The following SMYD3 variants were observed in gnomAD, a reference collection of about 807,000 sequenced individuals.
The protein encoded by SMYD3 is histone-lysine N-methyltransferase SMYD3.
A neutral mutation model predicts 57.7 loss-of-function variants in SMYD3; 36 were observed. The observed-to-expected ratio is 0.62, with a 90% CI of 0.48 to 0.82. The LOEUF is 0.82. SMYD3 is among the 40% of genes least tolerant of loss of function. The pLI, the probability that SMYD3 is intolerant of heterozygous loss-of-function variation, is 0.00. For missense variants in SMYD3, 515 were observed against 538.8 expected, an observed-to-expected ratio of 0.96 and a Z score of 0.44; for synonymous variants, 211 against 195.0, an observed-to-expected ratio of 1.08 and a Z score of -0.68.
chr1:246,359,864 G>T (rs189116388), intron 1 of SMYD3, among the ~76,000 whole-genome samples: 5 of 152,220 alleles, frequency 3.3e-5, no homozygotes, highest in African/African-American at 1.2e-4. Flanking sequence ...ACACTGAACA[G>T]GGAAAAGTTG....
chr1:246,146,718 G>T (rs1034779008), intron 5 of SMYD3, among the ~76,000 whole-genome samples: 2 of 152,028 alleles, frequency 1.3e-5, no homozygotes, highest in African/African-American at 4.8e-5. Context: ...CTAATAATGG[G>T]GCCTACACAC....
At chr1:246,339,974 C>T (rs1008836188) in intron 2 of SMYD3, among the ~76,000 whole-genome samples, 7 of 152,094 alleles carry the variant, frequency 4.6e-5, no homozygotes, top group Non-Finnish European at 8.8e-5. Flanking sequence ...TTATGAATGA[C>T]CCAGTCTGCG....
chr1:246,288,062 C>CTTTTTTTTTT lies in SMYD3; in HGVS notation c.531+39129_531+39138dup, dbSNP rs67603439. Among the ~76,000 whole-genome samples, 42 of 64,204 alleles carry CTTTTTTTTTT rather than the reference C, an allele frequency of 6.5e-4. 5 individuals are homozygous for CTTTTTTTTTT. Among genetic ancestry groups the CTTTTTTTTTT allele is most frequent in the African/African-American group, 8.0e-4 (12 of 15,008 alleles). 42.1% of individuals were successfully genotyped at this position (64,204 alleles called of 152,430 possible). A position where few individuals can be genotyped will look rare whatever the true frequency, so the allele number is the denominator to read the frequency against. Reference sequence around the variant, plus strand: ...GTTTTTGAAATGCCATCAGGTAATTCTTTTTTTTTTTTTTTTTTTTTTTTT... The same window carrying CTTTTTTTTTT: ...GTTTTTGAAATGCCATCAGGTAATTCTTTTTTTTTTTTTTTTTTTTTTTTTTTTTTTTTTT... On this transcript the variant is annotated intron_variant, in intron 5 of 11. Coordinates refer to ENST00000490107, the MANE Select transcript of SMYD3 (RefSeq NM_001167740.2).
At chr1:246,080,769 T>C (rs549591498) in intron 5 of SMYD3, among the ~76,000 whole-genome samples, 51 of 152,320 alleles carry the variant, frequency 3.3e-4, no homozygotes, top group Non-Finnish European at 4.9e-4. Flanking sequence ...TAGTGTATTA[T>C]CTATCTCCCC....
At position 246,203,799 on chromosome 1, in the gene SMYD3, T is replaced by C. The variant is rs1208760753; in HGVS notation, c.531+123402A>G. On this transcript the variant is annotated intron_variant, in intron 5 of 11. Coordinates refer to ENST00000490107, the MANE Select transcript of SMYD3 (RefSeq NM_001167740.2). The surrounding 1 kb of genome is among the most constrained non-coding windows in gnomAD (Gnocchi z 4.6). ...GGGTTTCTCACTTGCTCCTGGCTCT[T>C]CTACCTCAGTCAATAACATCCTCAA... 6.6e-6 allele frequency among the ~76,000 whole-genome samples: 1 copy of C among 152,196 alleles called. No homozygotes were observed. Among genetic ancestry groups the C allele is most frequent in the Non-Finnish European group, 1.5e-5 (1 of 68,018 alleles).
At chr1:245,821,384 G>A (rs879280737) in intron 10 of SMYD3, among the ~76,000 whole-genome samples, 32 of 35,750 alleles carry the variant, frequency 9.0e-4, no homozygotes, top group Admixed American at 2.5e-3. Context: ...ACACCTTATA[G>A]AAAAATCAAT....
intron 5 of SMYD3, among the ~76,000 whole-genome samples, chr1:246,234,582 GTATAGGGGAGAAGCA>G (rs1357571830): frequency 6.8e-5 from 7 of 102,806 alleles, no homozygotes; most frequent in East Asian, 1.3e-3. Flanking sequence ...AATATATACC[GTATAGGGGAGAAGCA>G]CTCCTTCAAT....
intron 5 of SMYD3, among the ~76,000 whole-genome samples, chr1:246,258,156 C>T (rs2063932075): frequency 6.6e-6 from 1 of 152,202 alleles, no homozygotes; most frequent in African/African-American, 2.4e-5. Context: ...CCTGCCTCAG[C>T]CTCCCGAGTA....
At chr1:246,499,410 AC>A (rs2068422528) in intron 1 of SMYD3, among the ~76,000 whole-genome samples, 3 of 151,070 alleles carry the variant, frequency 2.0e-5, no homozygotes, top group Non-Finnish European at 4.4e-5. Context: ...ATACACACAC[AC>A]ACACACACAC....
chr1:246,358,459 A>AT (rs2065938886), intron 1 of SMYD3, among the ~76,000 whole-genome samples: 1 of 152,208 alleles, frequency 6.6e-6, no homozygotes, highest in East Asian at 1.9e-4. Flanking sequence ...CCTAGAACAA[A>AT]TGGACTTAAC....
intron 5 of SMYD3, among the ~76,000 whole-genome samples, chr1:245,951,568 C>CAAA (rs746225362): frequency 0.015 from 1,369 of 93,570 alleles, 53 homozygotes; most frequent in East Asian, 0.066. Context: ...GGCTCTCTCT[C>CAAA]AAAAAAAAAA....
At chr1:246,407,477 A>G (rs1402775531) in intron 1 of SMYD3, among the ~76,000 whole-genome samples, 1 of 152,242 alleles carries the variant, frequency 6.6e-6, no homozygotes, top group Admixed American at 6.5e-5. Flanking sequence ...ACATTTATAT[A>G]AAACAATGTC....
chr1:246,289,111 G>A (rs890361063), intron 5 of SMYD3, among the ~76,000 whole-genome samples: 6 of 151,944 alleles, frequency 3.9e-5, no homozygotes, highest in South Asian at 4.2e-4. Flanking sequence ...GCAAAACTTC[G>A]TCTCAAAAGA....
Position 245,817,282 on chromosome 1 carries a change from G to A in SMYD3, c.1076+41214C>T, listed in dbSNP as rs185081976. 9.2e-3 allele frequency among the ~76,000 whole-genome samples: 1,321 copies of A among 143,498 alleles called. 37 individuals carry two copies. The highest frequency in any genetic ancestry group is 0.012 in the Non-Finnish European group (767 of 66,170). 94.1% of individuals were successfully genotyped at this position (143,498 alleles called of 152,430 possible). ...TAACTGGGAGGCACCCCCCAGCAGG[G>A]GCACACTGACACCTCACATGGCAGG... On this transcript the variant is annotated intron_variant, in intron 10 of 11. Transcript: ENST00000490107.
chr1:246,350,527 T>G (rs1218749951), intron 2 of SMYD3, among the ~76,000 whole-genome samples: 2 of 152,154 alleles, frequency 1.3e-5, no homozygotes, highest in Non-Finnish European at 2.9e-5. Flanking sequence ...GATGACTAAA[T>G]GGATCTGTCG....
chr1:245,838,929 C>G (rs1262180521), intron 10 of SMYD3, among the ~76,000 whole-genome samples: 1 of 152,220 alleles, frequency 6.6e-6, no homozygotes, highest in Non-Finnish European at 1.5e-5. Flanking sequence ...GGGAGGACAT[C>G]TATTCAGAAT....
In SMYD3 at chr1:245,859,659, C is replaced by T. The variant is rs566991024; in HGVS notation, c.902-989G>A. Among the ~76,000 whole-genome samples the T allele has an allele frequency of 2.7e-4, 41 of 152,278 alleles. No homozygotes were observed. In the Middle Eastern group the frequency reaches 0.02, roughly 76 times the overall value. On this transcript the variant is annotated intron_variant, in intron 9 of 11. Transcript: ENST00000490107. Reference sequence around the variant, plus strand: ...TGCGGTGTGTTAGGCGAGCTGGAGACCAAGGAGGGTGCAGGACTGGGACTG... The same window carrying T: ...TGCGGTGTGTTAGGCGAGCTGGAGATCAAGGAGGGTGCAGGACTGGGACTG...
At chr1:246,226,596 G>C (rs2063334477) in intron 5 of SMYD3, among the ~76,000 whole-genome samples, 1 of 152,196 alleles carries the variant, frequency 6.6e-6, no homozygotes, top group African/African-American at 2.4e-5. Flanking sequence ...ATTTGTGTTA[G>C]TGTTTACACA....
intron 1 of SMYD3, 48 bp downstream of exon 1, chr1:246,507,000 CCCAGCA>C: frequency 7.8e-5 from 89 of 1,138,772 alleles, no homozygotes; most frequent in East Asian, 1.1e-4. Context: ...CCCCCCCCTC[CCCAGCA>C]CCCCACACAG....
Sources: allele counts gnomAD v4.1 joint callset (sites outside exome capture counted in the v4.1 genomes callset), GRCh38; gene constraint gnomAD v4.1.1; non-coding constraint Gnocchi (gnomAD v3.1); transcripts MANE v1.5; gene names NCBI Gene and HGNC (gene_info 2026-07-23, HGNC 2026-07-21).